LIN7C: variants seen among roughly 807,000 people sequenced by gnomAD.
LIN7C encodes the protein protein lin-7 homolog C.
In LIN7C, 17 loss-of-function variants were observed where a neutral mutation model predicts 24.7. The observed-to-expected ratio is 0.69, with a 90% CI of 0.47 to 1.03. The LOEUF (loss-of-function observed/expected upper bound fraction) is 1.03. Among genes scored for constraint, LIN7C ranks in the 50% least tolerant of loss-of-function variants. The pLI, the probability that LIN7C is intolerant of heterozygous loss-of-function variation, is 0.00. For synonymous variants in LIN7C, 90 were observed against 83.4 expected, an observed-to-expected ratio of 1.08 and a Z score of -0.43; for missense variants, 204 against 239.0, an observed-to-expected ratio of 0.85 and a Z score of 0.97.
chr11:27,498,523 G>T lies in LIN7C; in HGVS notation c.*126C>A. ...ATGTTAAAATAGGCATTTATAAAAT[G>T]ACAAGGAGAATTTCATGATAAATTT... On this transcript the variant is annotated 3_prime_UTR_variant, in exon 5 of 5. Coordinates refer to ENST00000278193, the MANE Select transcript of LIN7C (RefSeq NM_018362.4). The T allele has an allele frequency of 1.1e-6, 1 of 881,256 alleles. No homozygotes were observed. 54.6% of individuals were successfully genotyped at this position (881,256 alleles called of 1,614,324 possible).
In LIN7C at chr11:27,501,306, A is replaced by AT. The variant is rs563412140; in HGVS notation, c.228+188dup. Among the ~76,000 whole-genome samples, 163 of 152,290 alleles carry AT rather than the reference A, an allele frequency of 1.1e-3. No homozygotes were observed. The East Asian group carries it at 0.023, about 21-fold the overall frequency. On this transcript the variant is annotated intron_variant, in intron 3 of 4. Coordinates refer to ENST00000278193, the MANE Select transcript of LIN7C (RefSeq NM_018362.4). ...CATGATAAAATAGCTTATGTAAGCT[A>AT]TTTATCATGCAGCATTTATGTAAAG...
chr11:27,499,305 G>A (rs1046724987), intron 4 of LIN7C, 54 bp downstream of exon 4: 9 of 1,434,130 alleles, frequency 6.3e-6, no homozygotes, highest in African/African-American at 4.3e-5. Context: ...ACTCAAATAC[G>A]CCCCCAGGTG....
chr11:27,501,490 T>C lies in LIN7C; in HGVS notation c.228+5A>G. On this transcript the variant is annotated splice_donor_5th_base_variant and intron_variant, in intron 3 of 4. Coordinates refer to ENST00000278193, the MANE Select transcript of LIN7C (RefSeq NM_018362.4). ...TTCTTACTTTTGGAAAACAAAAAAA[T>C]TTACCTTTGCAGTAGCGTTCGCTCT... The C allele has an allele frequency of 6.3e-7, 1 of 1,578,206 alleles. No individual in the cohort carries two copies. Among genetic ancestry groups the C allele is most frequent in the East Asian group, 2.3e-5 (1 of 44,306 alleles).
chr11:27,503,016 G>A (rs567546888), intron 1 of LIN7C, among the ~76,000 whole-genome samples: 12 of 152,214 alleles, frequency 7.9e-5, no homozygotes, highest in East Asian at 1.9e-4. Flanking sequence ...TTGGGAGGCC[G>A]AGGCAGGAGA....
chr11:27,499,645 T>C (rs1865202968), intron 3 of LIN7C, 77 bp from the exon 4 acceptor site: 2 of 1,295,820 alleles, frequency 1.5e-6, no homozygotes, highest in South Asian at 1.3e-5. Context: ...CCCCCCGAGA[T>C]GGAGTCTCGC....
intron 1 of LIN7C, among the ~76,000 whole-genome samples, chr11:27,503,265 T>C (rs1268478230): frequency 2.0e-5 from 3 of 152,240 alleles, no homozygotes; most frequent in Admixed American, 2.0e-4. Flanking sequence ...TTTTAGAAGA[T>C]TCAGGAAGTC....
At chr11:27,503,683 T>G (rs1386149991) in intron 1 of LIN7C, among the ~76,000 whole-genome samples, 1 of 151,888 alleles carries the variant, frequency 6.6e-6, no homozygotes, top group Non-Finnish European at 1.5e-5. Context: ...TCGGCTAATT[T>G]TTGTATTTTT....
chr11:27,506,205 G>A (rs1011668323), intron 1 of LIN7C, among the ~76,000 whole-genome samples: 1 of 152,204 alleles, frequency 6.6e-6, no homozygotes, highest in Non-Finnish European at 1.5e-5. Flanking sequence ...ATTTCTAGGA[G>A]GGGCACAAAA....
intron 1 of LIN7C, among the ~76,000 whole-genome samples, chr11:27,504,635 A>G (rs1590444201): frequency 6.6e-6 from 1 of 152,222 alleles, no homozygotes; most frequent in Non-Finnish European, 1.5e-5. Flanking sequence ...TTCAGATACC[A>G]CAGATATCAA....
Position 27,498,688 on chromosome 11 carries a change from A to T in LIN7C, c.555T>A (p.Phe185Leu), listed in dbSNP as rs1865193667. ...PKVLEEMESR[F>L]EKMRSAKRRQ... ...TGCGTTTTGCTGATCTCATTTTTTC[A>T]AAGCGCGACTCCATTTCTTCTAAGA... The change falls in exon 5 of 5, where the codon TTT becomes TTA. Residue 185 changes from phenylalanine to leucine, a missense_variant. Physicochemically the swap from Phe to Leu is conservative, Grantham distance 22. This residue lies in a region of LIN7C where 74 missense variants were observed against 99.6 expected (regional missense o/e 0.74). Transcript: ENST00000278193. The T allele has an allele frequency of 3.1e-6, 5 of 1,613,878 alleles. No individual in the cohort carries two copies. The highest frequency in any genetic ancestry group is 4.2e-6 in the Non-Finnish European group (5 of 1,179,922).
rs1291566206 is a variant in LIN7C at position 27,496,197 on chromosome 11, A to T, written c.*2452T>A. On this transcript the variant is annotated 3_prime_UTR_variant, in exon 5 of 5. Transcript: ENST00000278193. ...GGTGATTTTGATTTAGTTGTTATGGAATAGGACCCAGGTATCAATTTTTTA... is the reference window on the plus strand; with the variant it reads ...GGTGATTTTGATTTAGTTGTTATGGTATAGGACCCAGGTATCAATTTTTTA... 1 of 152,022 alleles carries T rather than the reference A, an allele frequency of 6.6e-6. No homozygotes were observed. Among genetic ancestry groups the T allele is most frequent in the Non-Finnish European group, 1.5e-5 (1 of 68,000 alleles). The allele number at this position is 152,022 out of a possible 1,614,324, so 9.4% of individuals were successfully genotyped here.
At chr11:27,503,313 C>T (rs1865243495) in intron 1 of LIN7C, among the ~76,000 whole-genome samples, 1 of 152,102 alleles carries the variant, frequency 6.6e-6, no homozygotes, top group African/African-American at 2.4e-5. Context: ...TTTTATTTTT[C>T]CAAAAACTGT....
Position 27,501,562 on chromosome 11 carries a change from T to C in LIN7C, c.161A>G (p.Tyr54Cys), listed in dbSNP as rs908028442. Residue 54 changes from tyrosine to cysteine, a missense_variant, in exon 3 of 5, where the codon TAT (tyrosine) becomes TGT (cysteine). Coordinates refer to ENST00000278193, the MANE Select transcript of LIN7C (RefSeq NM_018362.4). ...SEFCNAVREV[Y>C]EHVYETVDIS... ...GTCCACAGTCTCATAGACATGTTCA[T>C]ATACCTGTAAAAGCCAAAGTTATAT... 6 of 1,583,354 alleles carry C rather than the reference T, an allele frequency of 3.8e-6. No homozygotes were observed. Among genetic ancestry groups the C allele is most frequent in the African/African-American group, 1.4e-5 (1 of 73,306 alleles).
At chr11:27,500,177 G>C (rs12798907) in intron 3 of LIN7C, among the ~76,000 whole-genome samples, 3 of 152,106 alleles carry the variant, frequency 2.0e-5, no homozygotes, top group Admixed American at 1.3e-4. Context: ...GACTTACTGG[G>C]CAGACTGATA....
At chr11:27,500,606 T>A (rs1476104827) in intron 3 of LIN7C, among the ~76,000 whole-genome samples, 2 of 152,006 alleles carry the variant, frequency 1.3e-5, no homozygotes, top group Non-Finnish European at 1.5e-5. Flanking sequence ...TTGTGATGGA[T>A]CACAAAAATG....
intron 1 of LIN7C, among the ~76,000 whole-genome samples, chr11:27,505,062 G>C (rs1315788490): frequency 1.3e-5 from 2 of 152,240 alleles, no homozygotes; most frequent in Non-Finnish European, 2.9e-5. Context: ...GCCGGGTGCA[G>C]TGGCTCACGC....
At chr11:27,502,585 A>G (rs2133490234) in intron 1 of LIN7C, among the ~76,000 whole-genome samples, 1 of 152,316 alleles carries the variant, frequency 6.6e-6, no homozygotes, top group East Asian at 1.9e-4. Context: ...CAAAAAAGAA[A>G]AATAAAAACA....
At position 27,494,604 on chromosome 11, in the gene LIN7C, C is replaced by A. The variant is rs1182875140; in HGVS notation, c.*4045G>T. On this transcript the variant is annotated 3_prime_UTR_variant, in exon 5 of 5. Coordinates refer to ENST00000278193, the MANE Select transcript of LIN7C (RefSeq NM_018362.4). The stretch of plus-strand genomic sequence containing the variant: ...CTCATACAAATTTATTTTAAATAAG[C>A]CTTAAAATCAGAATTAAATTGATAA... The A allele has an allele frequency of 6.6e-6, 1 of 151,868 alleles. No homozygotes were observed. Among genetic ancestry groups the A allele is most frequent in the Non-Finnish European group, 1.5e-5 (1 of 67,964 alleles). 9.4% of individuals were successfully genotyped at this position (151,868 alleles called of 1,614,324 possible).
At chr11:27,502,136 CA>C (rs1865232002) in intron 1 of LIN7C, among the ~76,000 whole-genome samples, 2 of 152,116 alleles carry the variant, frequency 1.3e-5, no homozygotes, top group African/African-American at 4.8e-5. Flanking sequence ...CTAAATTTTA[CA>C]GTAGATAGGA....
Sources: allele counts gnomAD v4.1 joint callset (sites outside exome capture counted in the v4.1 genomes callset), GRCh38; gene constraint gnomAD v4.1.1; regional missense constraint gnomAD v4.1.1; transcripts MANE v1.5; gene names NCBI Gene and HGNC (gene_info 2026-07-23, HGNC 2026-07-21).